NAALADL2: variants seen among roughly 807,000 people sequenced by gnomAD.
NAALADL2 encodes inactive N-acetylated-alpha-linked acidic dipeptidase-like protein 2.
A neutral mutation model predicts 87.2 loss-of-function variants in NAALADL2; 76 were observed. The observed-to-expected ratio is 0.87, with a 90% CI of 0.72 to 1.05. NAALADL2 has a LOEUF of 1.05. Ranked by LOEUF, NAALADL2 falls within the 50% of genes least tolerant of loss-of-function variation. The pLI, the probability that NAALADL2 is intolerant of heterozygous loss-of-function variation, is 0.00. For synonymous variants in NAALADL2, 354 were observed against 331.0 expected (o/e 1.07, Z -0.75); for missense variants, 1,089 against 945.8 (o/e 1.15, Z -1.99).
intron 11 of NAALADL2, among the ~76,000 whole-genome samples, chr3:175,645,255 G>A (rs568503863): frequency 2.0e-5 from 3 of 151,866 alleles, no homozygotes; most frequent in South Asian, 4.2e-4. Flanking sequence ...CTCACATCCC[G>A]ACTCAAAAAC....
chr3:174,841,062 AAAGG>A, intron 3 of NAALADL2, among the ~76,000 whole-genome samples: 1 of 152,058 alleles, frequency 6.6e-6, no homozygotes, highest in South Asian at 2.1e-4. Flanking sequence ...AAGAAGAAGA[AAAGG>A]AAGAAAGAGA....
chr3:174,935,005 G>C (rs547490791), intron 1 of NAALADL2, among the ~76,000 whole-genome samples: 1 of 151,722 alleles, frequency 6.6e-6, no homozygotes, highest in Admixed American at 6.6e-5. Context: ...CAAATGAACT[G>C]TCCTGCCTAG....
At position 174,887,541 on chromosome 3, in the gene NAALADL2, A is replaced by G. The variant is rs183878125; in HGVS notation, c.43+28091A>G. On this transcript the variant is annotated intron_variant, in intron 1 of 13. Coordinates refer to ENST00000454872, the MANE Select transcript of NAALADL2 (RefSeq NM_207015.3). ...CAGTCATGGTGGCTCACATCCATAA[A>G]CCCAGCAATTTTGGAATCTGAGGTG... Among the ~76,000 whole-genome samples the G allele has an allele frequency of 6.6e-4, 100 of 152,220 alleles. No homozygotes were observed. The Middle Eastern group carries it at 0.02, about 31-fold the overall frequency.
At chr3:175,405,251 CTG>C (rs1712101796) in intron 5 of NAALADL2, among the ~76,000 whole-genome samples, 1 of 152,014 alleles carries the variant, frequency 6.6e-6, no homozygotes, top group South Asian at 2.1e-4. Flanking sequence ...AATTTTATCT[CTG>C]TAAGTTATTT....
At chr3:175,072,829 A>C (rs1465557607) in intron 1 of NAALADL2, among the ~76,000 whole-genome samples, 1 of 151,992 alleles carries the variant, frequency 6.6e-6, no homozygotes, top group Non-Finnish European at 1.5e-5. Flanking sequence ...CCTAAAACTT[A>C]AAGTATAGCA....
intron 2 of NAALADL2, among the ~76,000 whole-genome samples, chr3:174,731,859 A>G (rs1429198087): frequency 6.6e-6 from 1 of 152,174 alleles, no homozygotes; most frequent in Non-Finnish European, 1.5e-5. Flanking sequence ...CCCACACTGG[A>G]AAACCGCTGA....
At chr3:174,975,297 G>A (rs1176409652) in intron 1 of NAALADL2, among the ~76,000 whole-genome samples, 1 of 151,992 alleles carries the variant, frequency 6.6e-6, no homozygotes, top group African/African-American at 2.4e-5. Context: ...ATGTTATTAG[G>A]AGAACTAATA....
intron 1 of NAALADL2, among the ~76,000 whole-genome samples, chr3:175,076,641 T>C (rs1228218089): frequency 6.6e-6 from 1 of 152,202 alleles, no homozygotes; most frequent in Non-Finnish European, 1.5e-5. Flanking sequence ...ATGTATAAAA[T>C]ATTGTTTGAT....
At chr3:174,854,275 G>C (rs548291372) in intron 3 of NAALADL2, among the ~76,000 whole-genome samples, 1 of 152,254 alleles carries the variant, frequency 6.6e-6, no homozygotes, top group Non-Finnish European at 1.5e-5. Context: ...AAATAAGCCA[G>C]GCACAGAAAG....
intron 2 of NAALADL2, among the ~76,000 whole-genome samples, chr3:175,119,733 A>G (rs1325123821): frequency 6.9e-6 from 1 of 144,388 alleles, no homozygotes; most frequent in African/African-American, 2.6e-5. Context: ...AAATAAGAAT[A>G]GATATATACT....
At chr3:175,589,465 C>A (rs1378200945) in intron 10 of NAALADL2, among the ~76,000 whole-genome samples, 1 of 150,972 alleles carries the variant, frequency 6.6e-6, no homozygotes, top group Non-Finnish European at 1.5e-5. Context: ...TTCTTCTTTC[C>A]TCTGTTTCTT....
intron 9 of NAALADL2, among the ~76,000 whole-genome samples, chr3:175,484,621 A>G (rs1252489838): frequency 1.3e-5 from 2 of 152,170 alleles, no homozygotes; most frequent in African/African-American, 4.8e-5. Context: ...TAAAATATGT[A>G]CAGGGATATA....
chr3:175,405,126 C>G (rs1016155040), intron 5 of NAALADL2, among the ~76,000 whole-genome samples: 2 of 152,050 alleles, frequency 1.3e-5, no homozygotes, highest in Admixed American at 6.6e-5. Flanking sequence ...CTGCACATGT[C>G]TATATTAGCA....
chr3:175,201,364 G>A (rs1000539810), intron 2 of NAALADL2, among the ~76,000 whole-genome samples: 3 of 152,092 alleles, frequency 2.0e-5, no homozygotes, highest in Admixed American at 2.0e-4. Flanking sequence ...CCCATCAGTA[G>A]CTAAAATATG....
intron 11 of NAALADL2, among the ~76,000 whole-genome samples, chr3:175,657,852 A>C (rs1410498348): frequency 6.6e-6 from 1 of 152,086 alleles, no homozygotes; most frequent in Non-Finnish European, 1.5e-5. Context: ...CTAGGATTAC[A>C]GGCGTGAGCC....
intron 1 of NAALADL2, among the ~76,000 whole-genome samples, chr3:174,870,634 G>A (rs1727718776): frequency 6.6e-6 from 1 of 151,444 alleles, no homozygotes; most frequent in African/African-American, 2.4e-5. Flanking sequence ...TGCCACGAAG[G>A]GACAGAGCTA....
intron 1 of NAALADL2, among the ~76,000 whole-genome samples, chr3:175,094,853 C>T (rs1158680026): frequency 5.3e-5 from 8 of 149,730 alleles, no homozygotes; most frequent in Admixed American, 2.0e-4. Flanking sequence ...TTATTAACTC[C>T]CTACCAATCC....
intron 1 of NAALADL2, among the ~76,000 whole-genome samples, chr3:175,052,672 T>C (rs1159052186): frequency 1.3e-5 from 2 of 149,128 alleles, no homozygotes; most frequent in Non-Finnish European, 3.0e-5. Context: ...AAATATTTGT[T>C]CTTTTAATAT....
intron 11 of NAALADL2, among the ~76,000 whole-genome samples, chr3:175,633,128 G>A (rs1009815832): frequency 1.4e-4 from 21 of 151,984 alleles, no homozygotes; most frequent in Non-Finnish European, 2.8e-4. Context: ...AATATTATAA[G>A]GAGAAAATGT....
Sources: allele counts gnomAD v4.1 joint callset (sites outside exome capture counted in the v4.1 genomes callset), GRCh38; gene constraint gnomAD v4.1.1; transcripts MANE v1.5; gene names NCBI Gene and HGNC (gene_info 2026-07-23, HGNC 2026-07-21).